Variants in DRC11 observed in about 807,000 individuals in gnomAD.
DRC11 encodes the protein IQ and AAA domain-containing protein 1.
the DRC11 span, among the ~76,000 whole-genome samples, chr2:236,483,714 G>C: frequency 6.6e-6 from 1 of 152,302 alleles, no homozygotes; most frequent in South Asian, 2.1e-4. The surrounding 1 kb of genome is among the most constrained non-coding windows in gnomAD (Gnocchi z 4.8). Flanking sequence ...AGGGTAAAAT[G>C]TAAACTATTC....
chr2:236,488,452 C>T, the DRC11 span, among the ~76,000 whole-genome samples: 1 of 152,138 alleles, frequency 6.6e-6, no homozygotes, highest in Non-Finnish European at 1.5e-5. Flanking sequence ...TAATTAGCTC[C>T]ACGATATTTT....
the DRC11 span, among the ~76,000 whole-genome samples, chr2:236,317,768 A>C: frequency 6.6e-6 from 1 of 152,220 alleles, no homozygotes; most frequent in Non-Finnish European, 1.5e-5. This position sits in a 1 kb window ranked among gnomAD's most constrained non-coding sequence, Gnocchi z 5.4. Context: ...TTTCAGGCAC[A>C]ATGAGTGCTA....
chr2:236,450,294 T>C, the DRC11 span, among the ~76,000 whole-genome samples: 1 of 151,070 alleles, frequency 6.6e-6, no homozygotes, highest in Non-Finnish European at 1.5e-5. Flanking sequence ...TCTATTTGGC[T>C]TTCTTTTTTC....
At chr2:236,320,391 C>T in the DRC11 span, among the ~76,000 whole-genome samples, 4 of 152,340 alleles carry the variant, frequency 2.6e-5, no homozygotes, top group South Asian at 2.1e-4. Context: ...CTAAAAATCA[C>T]GTCAGTCCTG....
the DRC11 span, among the ~76,000 whole-genome samples, chr2:236,505,488 C>T: frequency 1.4e-4 from 22 of 152,214 alleles, no homozygotes; most frequent in East Asian, 3.9e-3. Flanking sequence ...ACCCCCAGAG[C>T]CCTCTGTCTC....
At chr2:236,451,195 T>C in the DRC11 span, among the ~76,000 whole-genome samples, 1 of 152,270 alleles carries the variant, frequency 6.6e-6, no homozygotes, top group South Asian at 2.1e-4. Context: ...GTCATTGTAT[T>C]ACCAATAATT....
At chr2:236,472,528 T>C in the DRC11 span, among the ~76,000 whole-genome samples, 4 of 152,358 alleles carry the variant, frequency 2.6e-5, no homozygotes, top group East Asian at 7.7e-4. This position sits in a 1 kb window ranked among gnomAD's most constrained non-coding sequence, Gnocchi z 4.6. Flanking sequence ...TTGAATAGTT[T>C]GTGTTTTGTT....
At chr2:236,493,331 G>A in the DRC11 span, among the ~76,000 whole-genome samples, 2 of 152,182 alleles carry the variant, frequency 1.3e-5, no homozygotes, top group Non-Finnish European at 1.5e-5. Context: ...TGGGGACATA[G>A]TCAAACCATA....
chr2:236,346,828 A>G, the DRC11 span: 3 of 167,222 alleles, frequency 1.8e-5, no homozygotes, highest in African/African-American at 7.2e-5. Context: ...GCAGCTTCCC[A>G]ATAAGATCTC....
chr2:236,382,270 A>G, the DRC11 span, among the ~76,000 whole-genome samples: 1 of 152,122 alleles, frequency 6.6e-6, no homozygotes, highest in Non-Finnish European at 1.5e-5. Context: ...GTGTGGGCCT[A>G]TTTCTAGGAT....
chr2:236,464,599 T>G, the DRC11 span, among the ~76,000 whole-genome samples: 1 of 152,188 alleles, frequency 6.6e-6, no homozygotes, highest in Non-Finnish European at 1.5e-5. Flanking sequence ...CACCCTTAAA[T>G]ATGAATACGC....
At chr2:236,374,798 C>T in the DRC11 span, among the ~76,000 whole-genome samples, 1 of 151,856 alleles carries the variant, frequency 6.6e-6, no homozygotes, top group African/African-American at 2.4e-5. Flanking sequence ...TCAAGCGATT[C>T]TCCTGCCTCA....
chr2:236,310,364 C>A, the DRC11 span, among the ~76,000 whole-genome samples: 1 of 152,200 alleles, frequency 6.6e-6, no homozygotes, highest in African/African-American at 2.4e-5. The surrounding 1 kb of genome is among the most constrained non-coding windows in gnomAD (Gnocchi z 5.5). Flanking sequence ...CAACTGGACA[C>A]GGCACTACTG....
chr2:236,500,118 T>TGAC, the DRC11 span, among the ~76,000 whole-genome samples: 864 of 150,470 alleles, frequency 5.7e-3, 12 homozygotes, highest in African/African-American at 0.021. The surrounding 1 kb of genome is among the most constrained non-coding windows in gnomAD (Gnocchi z 6.3). Flanking sequence ...ATGATGATGA[T>TGAC]GGCGAAGGTA....
At chr2:236,335,997 T>A in the DRC11 span, among the ~76,000 whole-genome samples, 11 of 152,122 alleles carry the variant, frequency 7.2e-5, no homozygotes, top group East Asian at 9.6e-4. The surrounding 1 kb of genome is among the most constrained non-coding windows in gnomAD (Gnocchi z 5.6). Flanking sequence ...GTCCTTAAGA[T>A]CTTCTGTGAC....
At chr2:236,412,075 T>A in the DRC11 span, among the ~76,000 whole-genome samples, 2 of 152,062 alleles carry the variant, frequency 1.3e-5, no homozygotes, top group South Asian at 2.1e-4. Context: ...AAAAATTGTT[T>A]GTAGGGATGG....
At chr2:236,413,677 G>T in the DRC11 span, among the ~76,000 whole-genome samples, 1 of 152,132 alleles carries the variant, frequency 6.6e-6, no homozygotes, top group Non-Finnish European at 1.5e-5. This position sits in a 1 kb window ranked among gnomAD's most constrained non-coding sequence, Gnocchi z 4.0. Context: ...AAGGTCCAAG[G>T]GTCTTTCCAG....
the DRC11 span, among the ~76,000 whole-genome samples, chr2:236,472,119 C>T: frequency 1.3e-5 from 2 of 151,802 alleles, no homozygotes; most frequent in African/African-American, 4.8e-5. This position sits in a 1 kb window ranked among gnomAD's most constrained non-coding sequence, Gnocchi z 4.6. Context: ...TCCTTTTTTT[C>T]CCCAAAGCCT....
chr2:236,391,553 A>T, the DRC11 span: 1 of 180,606 alleles, frequency 5.5e-6, no homozygotes, highest in African/African-American at 2.4e-5. This position sits in a 1 kb window ranked among gnomAD's most constrained non-coding sequence, Gnocchi z 4.5. Context: ...GATTGGTGGC[A>T]ACTTACACTT....
Sources: gnomAD v4.1 joint callset for allele counts (sites outside exome capture counted in the v4.1 genomes callset) on GRCh38, gnomAD v4.1.1 for gene constraint, Gnocchi (gnomAD v3.1) non-coding constraint, MANE v1.5 for transcripts, NCBI Gene and HGNC (gene_info 2026-07-23, HGNC 2026-07-21) for gene names.